LRRC2: variants seen among roughly 807,000 people sequenced by gnomAD.
The protein encoded by LRRC2 is leucine-rich repeat-containing protein 2.
LRRC2 carries 27 observed loss-of-function variants against 40.2 expected under a neutral mutation model. The observed-to-expected ratio is 0.67, with a 90% CI of 0.49 to 0.93. LRRC2 has a LOEUF of 0.93. Ranked by LOEUF, LRRC2 falls within the 40% of genes least tolerant of loss-of-function variation. The pLI is 0.00. For synonymous variants in LRRC2, 147 were observed against 158.9 expected, an observed-to-expected ratio of 0.92 and a Z score of 0.56; for missense variants, 402 against 439.6, an observed-to-expected ratio of 0.91 and a Z score of 0.76.
At chr3:46,552,766 A>C (rs369313445) in intron 1 of LRRC2, among the ~76,000 whole-genome samples, 1 of 152,234 alleles carries the variant, frequency 6.6e-6, no homozygotes. Flanking sequence ...CTGCCACTTA[A>C]GACTGACCAC....
intron 1 of LRRC2, among the ~76,000 whole-genome samples, chr3:46,554,260 A>G (rs557751766): frequency 1.4e-5 from 2 of 141,574 alleles, no homozygotes; most frequent in South Asian, 2.3e-4. Context: ...GGCTCAAGCA[A>G]TCCACCCACC....
Position 46,516,890 on chromosome 3 carries a change from A to G in LRRC2, c.*2124T>C, listed in dbSNP as rs534597137. On this transcript the variant is annotated 3_prime_UTR_variant, in exon 9 of 9. Coordinates refer to ENST00000395905, the MANE Select transcript of LRRC2 (RefSeq NM_024512.5). ...ACAAGGACGCTGCAGCCCATGCTGT[A>G]TGTAAGCTCCCCTCATAAATGCTTT... is the stretch of plus-strand genomic sequence containing the variant. 6.6e-6 allele frequency: 1 copy of G among 152,330 alleles called. No homozygotes were observed. Among genetic ancestry groups the G allele is most frequent in the Admixed American group, 6.5e-5 (1 of 15,300 alleles). 9.4% of individuals were successfully genotyped at this position (152,330 alleles called of 1,614,324 possible). A position where few individuals can be genotyped will look rare whatever the true frequency, so the allele number is the denominator to read the frequency against.
chr3:46,535,805 C>T (rs780556777), intron 4 of LRRC2, among the ~76,000 whole-genome samples: 4 of 152,068 alleles, frequency 2.6e-5, no homozygotes, highest in Non-Finnish European at 5.9e-5. Context: ...AAAGATGATG[C>T]TAATAATAGC....
chr3:46,541,104 C>A (rs758436165), intron 3 of LRRC2, among the ~76,000 whole-genome samples: 1 of 152,110 alleles, frequency 6.6e-6, no homozygotes, highest in East Asian at 1.9e-4. Flanking sequence ...GAGGCCGAGG[C>A]GGGCAGATCA....
intron 1 of LRRC2, among the ~76,000 whole-genome samples, chr3:46,560,098 G>A (rs551923624): frequency 6.6e-6 from 1 of 152,260 alleles, no homozygotes; most frequent in East Asian, 1.9e-4. Flanking sequence ...TCCCATGTAG[G>A]ACAGAGATAA....
At chr3:46,520,847 G>A (rs1021838851) in intron 8 of LRRC2, among the ~76,000 whole-genome samples, 1 of 152,208 alleles carries the variant, frequency 6.6e-6, no homozygotes, top group Non-Finnish European at 1.5e-5. Flanking sequence ...GTGATTAGAA[G>A]ACCAAAGACT....
Position 46,545,070 on chromosome 3 carries a change from A to G in LRRC2, c.309T>C (p.Phe103=). 6.2e-7 allele frequency: 1 copy of G among 1,613,060 alleles called. No homozygotes were observed. Among genetic ancestry groups the G allele is most frequent in the Non-Finnish European group, 8.5e-7 (1 of 1,179,920 alleles). ...DRGKRSSAFV[F]ELSGEHWTEL... is the part of the protein sequence containing the mutation. ...CCGTCCAGTGCTCCCCAGAAAGTTC[A>G]AACACAAACGCACTGCTCCGTTTGC... Residue 103 remains phenylalanine (F), a synonymous_variant, in exon 3 of 9, where the codon TTT becomes TTC. Transcript: ENST00000395905.
At chr3:46,556,505 G>T (rs138527380) in intron 1 of LRRC2, among the ~76,000 whole-genome samples, 157 of 150,416 alleles carry the variant, frequency 1.0e-3, no homozygotes, top group African/African-American at 3.8e-3. Context: ...TCCTGATTTA[G>T]ATTTGTTTAG....
chr3:46,564,611 T>C (rs1705018883), intron 1 of LRRC2, among the ~76,000 whole-genome samples: 1 of 152,074 alleles, frequency 6.6e-6, no homozygotes, highest in Admixed American at 6.5e-5. Flanking sequence ...CAAGCCATTC[T>C]TGGCACTCCC....
chr3:46,526,073 C>T (rs1479822361), intron 7 of LRRC2, among the ~76,000 whole-genome samples: 1 of 152,108 alleles, frequency 6.6e-6, no homozygotes, highest in Non-Finnish European at 1.5e-5. Flanking sequence ...CTGCCTCAGC[C>T]TCCTGAGTAG....
chr3:46,527,139 T>TGTGAGCACTGAGCAA (rs1704073457), intron 7 of LRRC2, among the ~76,000 whole-genome samples: 1 of 152,226 alleles, frequency 6.6e-6, no homozygotes, highest in Admixed American at 6.5e-5. Context: ...CCAGCAGCGA[T>TGTGAGCACTGAGCAA]GTGAGCACTG....
chr3:46,546,519 G>A (rs866474778), intron 2 of LRRC2, among the ~76,000 whole-genome samples: 7 of 152,288 alleles, frequency 4.6e-5, no homozygotes, highest in South Asian at 4.1e-4. Context: ...CCGGAATGCC[G>A]GAGCCTCCAG....
At chr3:46,558,869 G>A (rs868333846) in intron 1 of LRRC2, 22 of 152,314 alleles carry the variant, frequency 1.4e-4, no homozygotes, top group African/African-American at 5.1e-4. Context: ...CACTTTATGT[G>A]AAATCTAACA....
rs781214905 is a variant in LRRC2, at chr3:46,530,039, C to A, written c.639G>T (p.Leu213Phe). Reference protein sequence around the residue: ...LMELPFELSNLKQVTFVDISA... With the variant: ...LMELPFELSNFKQVTFVDISA... ...AGATATCTACAAATGTAACTTGCTTCAAATTACTTAACTAGAAATGAATAA... is the reference window on the plus strand; with the variant it reads ...AGATATCTACAAATGTAACTTGCTTAAAATTACTTAACTAGAAATGAATAA... Residue 213 changes from leucine to phenylalanine, a missense_variant, in exon 6 of 9, where the codon TTG becomes TTT. Leu to Phe is a conservative substitution (Grantham distance 22). Transcript: ENST00000395905. 1.2e-6 allele frequency: 2 copies of A among 1,611,344 alleles called. No homozygotes were observed. Among genetic ancestry groups the A allele is most frequent in the Admixed American group, 3.3e-5 (2 of 59,938 alleles).
chr3:46,554,191 T>C (rs773321727), intron 1 of LRRC2, among the ~76,000 whole-genome samples: 2 of 152,116 alleles, frequency 1.3e-5, no homozygotes, highest in Admixed American at 6.5e-5. Context: ...AGATAATTTT[T>C]GTATTTTTTG....
At chr3:46,564,231 G>C (rs1383995253) in intron 1 of LRRC2, among the ~76,000 whole-genome samples, 1 of 151,044 alleles carries the variant, frequency 6.6e-6, no homozygotes, top group African/African-American at 2.5e-5. Context: ...AAGGGGAAAG[G>C]GCTGACAGGG....
At chr3:46,530,139 C>A in intron 5 of LRRC2, 89 bp from the exon 6 acceptor site, 1 of 1,077,862 alleles carries the variant, frequency 9.3e-7, no homozygotes. Flanking sequence ...ATTTCTTCCC[C>A]AAAGGCATTT....
In LRRC2 at chr3:46,541,210, G is replaced by A. The variant is rs1704381688; in HGVS notation, c.334-2009C>T. ...TAGCCGGGCGTGGTGGCGGGCGCCTGCAGTCCCAGCTGCTCGGGAGGCTGA... is the reference window on the plus strand; with the variant it reads ...TAGCCGGGCGTGGTGGCGGGCGCCTACAGTCCCAGCTGCTCGGGAGGCTGA... On this transcript the variant is annotated intron_variant, in intron 3 of 8. Transcript: ENST00000395905. Among the ~76,000 whole-genome samples the A allele has an allele frequency of 3.3e-5, 5 of 152,068 alleles. No individual in the cohort carries two copies. In the South Asian group the frequency reaches 1.0e-3, roughly 32 times the overall value.
rs1425386415 is a variant in LRRC2, at chr3:46,521,512, A to C, written c.1066+10T>G. On this transcript the variant is annotated intron_variant, in intron 8 of 8. Transcript: ENST00000395905. Reference sequence around the variant, plus strand: ...CTAATTTTAAATAATTTTAAATATGAGTAACCCACCTCTTTCTTTAAGGTC... The same window carrying C: ...CTAATTTTAAATAATTTTAAATATGCGTAACCCACCTCTTTCTTTAAGGTC... 6.4e-7 allele frequency: 1 copy of C among 1,573,352 alleles called. No individual in the cohort carries two copies. Among genetic ancestry groups the C allele is most frequent in the Non-Finnish European group, 8.6e-7 (1 of 1,156,572 alleles).
Sources: gnomAD v4.1 joint callset for allele counts (sites outside exome capture counted in the v4.1 genomes callset) on GRCh38, gnomAD v4.1.1 for gene constraint, MANE v1.5 for transcripts, NCBI Gene and HGNC (gene_info 2026-07-23, HGNC 2026-07-21) for gene names.